Variants in MCC observed in about 807,000 individuals in gnomAD.
The protein encoded by MCC is colorectal mutant cancer protein.
Under a neutral mutation model 116.2 loss-of-function variants are expected in MCC, and 90 were observed. The ratio of observed to expected loss-of-function variants is 0.77; its 90% confidence interval spans 0.65 to 0.92. MCC has a LOEUF of 0.92. Among genes scored for constraint, MCC ranks in the 40% least tolerant of loss-of-function variants. The pLI is 0.00. For synonymous variants in MCC, 578 were observed against 510.5 expected, an observed-to-expected ratio of 1.13 and a Z score of -1.78; for missense variants, 1,516 against 1,312.2, an observed-to-expected ratio of 1.16 and a Z score of -2.40.
intron 3 of MCC, among the ~76,000 whole-genome samples, chr5:113,275,435 C>A (rs1460740352): frequency 6.6e-6 from 1 of 152,150 alleles, no homozygotes; most frequent in Non-Finnish European, 1.5e-5. Context: ...TACAGAAACA[C>A]TAGCAATGCG....
chr5:113,049,271 A>C lies in MCC; in HGVS notation c.2477T>G (p.Leu826Arg). 6.2e-7 allele frequency: 1 copy of C among 1,608,630 alleles called. No individual in the cohort carries two copies. The highest frequency in any genetic ancestry group is 8.5e-7 in the Non-Finnish European group (1 of 1,177,324). Reference protein sequence around the residue: ...KEEMAELKAQLYLLEKEKKAL... With the variant: ...KEEMAELKAQRYLLEKEKKAL... ...CTTCTTCTCTTTCTCCAGTAGGTAG[A>C]GCTGGGCCTTCAACTCGGCCATCTC... The change falls in exon 16 of 19, where the codon CTC (leucine) becomes CGC (arginine). Residue 826 changes from leucine to arginine, a missense_variant. By Grantham distance (102) the Leu-to-Arg change is moderately radical. Coordinates refer to ENST00000408903, the MANE Select transcript of MCC (RefSeq NM_001085377.2).
intron 3 of MCC, among the ~76,000 whole-genome samples, chr5:113,321,383 A>T (rs1483335188): frequency 6.6e-6 from 1 of 152,190 alleles, no homozygotes; most frequent in African/African-American, 2.4e-5. Flanking sequence ...ACCTGAAGCA[A>T]CTGGTTCTCT....
chr5:113,193,436 T>C (rs181570187), intron 3 of MCC, among the ~76,000 whole-genome samples: 9 of 152,284 alleles, frequency 5.9e-5, no homozygotes, highest in African/African-American at 2.2e-4. Context: ...CATGGGGTTG[T>C]TGGAAATATT....
chr5:113,115,376 C>G (rs1336204260), intron 6 of MCC, among the ~76,000 whole-genome samples: 4 of 152,196 alleles, frequency 2.6e-5, no homozygotes, highest in Non-Finnish European at 5.9e-5. Flanking sequence ...TCAAAGCAAT[C>G]GAGGCTGCAT....
chr5:113,469,102 T>C lies in MCC; in HGVS notation c.170+19143A>G, dbSNP rs574591151. 5.3e-5 allele frequency among the ~76,000 whole-genome samples: 8 copies of C among 152,336 alleles called. No homozygotes were observed. The East Asian group carries it at 1.5e-3, about 29-fold the overall frequency. ...TTCTTTATTAGTCTTGCTAGAAGTCTATCAATTTTGTTGACCTTTTCAAAA... is the reference window on the plus strand; with the variant it reads ...TTCTTTATTAGTCTTGCTAGAAGTCCATCAATTTTGTTGACCTTTTCAAAA... On this transcript the variant is annotated intron_variant, in intron 1 of 18. Coordinates refer to ENST00000408903, the MANE Select transcript of MCC (RefSeq NM_001085377.2).
chr5:113,488,139 T>G, intron 1 of MCC, 106 bp downstream of exon 1: 1 of 1,196,800 alleles, frequency 8.4e-7, no homozygotes, highest in Non-Finnish European at 1.1e-6. Flanking sequence ...CCCGCGAGCT[T>G]CTGAGCAACT....
chr5:113,248,328 A>C (rs1764653363), intron 3 of MCC, among the ~76,000 whole-genome samples: 2 of 152,270 alleles, frequency 1.3e-5, no homozygotes, highest in South Asian at 4.2e-4. Flanking sequence ...CAAGGAATCA[A>C]AGTAACAGAA....
chr5:113,376,895 A>G (rs1300302964), intron 2 of MCC, among the ~76,000 whole-genome samples: 1 of 152,142 alleles, frequency 6.6e-6, no homozygotes, highest in Non-Finnish European at 1.5e-5. Flanking sequence ...TGACTTGTTC[A>G]GGAATAGATA....
chr5:113,113,829 T>A (rs562170529), intron 6 of MCC, among the ~76,000 whole-genome samples: 1 of 151,200 alleles, frequency 6.6e-6, no homozygotes, highest in Non-Finnish European at 1.5e-5. Context: ...TAAAGGAGAG[T>A]CAAAAGACAT....
At chr5:113,094,666 C>T (rs990835612) in intron 8 of MCC, among the ~76,000 whole-genome samples, 1 of 152,092 alleles carries the variant, frequency 6.6e-6, no homozygotes, top group South Asian at 2.1e-4. Flanking sequence ...GTGACCCACC[C>T]GCCTCAGCCT....
intron 5 of MCC, among the ~76,000 whole-genome samples, chr5:113,141,157 G>A (rs1055657980): frequency 3.9e-5 from 6 of 152,158 alleles, no homozygotes; most frequent in Non-Finnish European, 5.9e-5. Context: ...TCTCCTGCCC[G>A]TGGACATCAG....
At chr5:113,468,094 G>A (rs1771968414) in intron 1 of MCC, among the ~76,000 whole-genome samples, 1 of 152,112 alleles carries the variant, frequency 6.6e-6, no homozygotes, top group South Asian at 2.1e-4. Context: ...GAGACAATGG[G>A]GTTTTCTAGA....
intron 3 of MCC, 77 bp downstream of exon 3, chr5:113,340,441 TG>T: frequency 1.6e-6 from 2 of 1,223,588 alleles, no homozygotes; most frequent in Non-Finnish European, 1.2e-6. Context: ...ATATGTCCCC[TG>T]GAGCACAAAA....
rs1021602470 is a variant in MCC at position 113,043,638 on chromosome 5, C to A, written c.2656-8G>T. On this transcript the variant is annotated splice_region_variant and splice_polypyrimidine_tract_variant and intron_variant, in intron 16 of 18. Transcript: ENST00000408903. ...GGCAGCATCAGCACACTCCTGACAA[C>A]AGCAAACACATTCCAGTTAGGCCTG... 2 of 1,598,856 alleles carry A rather than the reference C, an allele frequency of 1.3e-6. No homozygotes were observed. Among genetic ancestry groups the A allele is most frequent in the African/African-American group, 2.7e-5 (2 of 74,602 alleles).
chr5:113,078,832 T>G (rs559836613), intron 11 of MCC, among the ~76,000 whole-genome samples: 50 of 152,228 alleles, frequency 3.3e-4, no homozygotes, highest in African/African-American at 1.1e-3. Flanking sequence ...GAGAAAGAAA[T>G]AAAGGGTATT....
chr5:113,399,392 G>C (rs1001077350), intron 1 of MCC, among the ~76,000 whole-genome samples: 1 of 152,154 alleles, frequency 6.6e-6, no homozygotes, highest in African/African-American at 2.4e-5. Context: ...GGCTGAGGCA[G>C]AAGAATGGAG....
intron 11 of MCC, among the ~76,000 whole-genome samples, chr5:113,080,915 G>T (rs1754815453): frequency 6.6e-6 from 1 of 150,900 alleles, no homozygotes; most frequent in Non-Finnish European, 1.5e-5. Flanking sequence ...CATCTTATTT[G>T]TTTTCTCTTT....
intron 3 of MCC, among the ~76,000 whole-genome samples, chr5:113,176,961 C>T (rs771373920): frequency 3.3e-5 from 5 of 152,178 alleles, no homozygotes; most frequent in African/African-American, 4.8e-5. Flanking sequence ...CCAAAGGAAG[C>T]GTAGACACTC....
intron 3 of MCC, among the ~76,000 whole-genome samples, chr5:113,207,750 T>G (rs1197647545): frequency 6.6e-6 from 1 of 152,146 alleles, no homozygotes; most frequent in Non-Finnish European, 1.5e-5. Flanking sequence ...ATGAGGTATA[T>G]CAATGGTCTA....
Sources: allele counts gnomAD v4.1 joint callset (sites outside exome capture counted in the v4.1 genomes callset), GRCh38; gene constraint gnomAD v4.1.1; transcripts MANE v1.5; gene names NCBI Gene and HGNC (gene_info 2026-07-23, HGNC 2026-07-21).